The following CEP20 variants were observed in gnomAD, a reference collection of about 807,000 sequenced individuals.
CEP20 encodes the protein centrosomal protein 20, also known as FGFR1OP N-terminal like.
A neutral mutation model predicts 20.0 loss-of-function variants in CEP20; 18 were observed. The ratio of observed to expected loss-of-function variants is 0.90; its 90% CI spans 0.62 to 1.34. The LOEUF is 1.34. CEP20 is among the 40% of genes most tolerant of loss of function. The pLI, the probability that CEP20 is intolerant of heterozygous loss-of-function variation, is 0.00. For missense variants in CEP20, 215 were observed against 201.6 expected, an observed-to-expected ratio of 1.07 and a Z score of -0.40; for synonymous variants, 77 against 73.7, an observed-to-expected ratio of 1.04 and a Z score of -0.23.
At chr16:15,882,093 A>G (rs1463456111) in intron 2 of CEP20, among the ~76,000 whole-genome samples, 4 of 152,116 alleles carry the variant, frequency 2.6e-5, no homozygotes, top group African/African-American at 9.7e-5. Context: ...CAGGTCATTT[A>G]TAAGTGTGTG....
chr16:15,870,278 A>G (rs2044782351), intron 4 of CEP20, among the ~76,000 whole-genome samples: 1 of 152,230 alleles, frequency 6.6e-6, no homozygotes, highest in Non-Finnish European at 1.5e-5. Flanking sequence ...GACTGATAGT[A>G]TCAATGACTT....
chr16:15,879,762 C>G, intron 3 of CEP20, 42 bp downstream of exon 3: 1 of 1,136,282 alleles, frequency 8.8e-7, no homozygotes, highest in Non-Finnish European at 1.3e-6. Flanking sequence ...GCAATTATGA[C>G]TCAATACAAT....
At chr16:15,871,605 A>C (rs189388149) in intron 4 of CEP20, among the ~76,000 whole-genome samples, 1 of 152,318 alleles carries the variant, frequency 6.6e-6, no homozygotes, top group Admixed American at 6.5e-5. Flanking sequence ...ACAGCAATCA[A>C]ATGTGCTGAT....
At chr16:15,867,560 AAC>A (rs759748221) in intron 4 of CEP20, 44 bp from the exon 5 acceptor site, 1 of 1,339,946 alleles carries the variant, frequency 7.5e-7, no homozygotes, top group Non-Finnish European at 1.1e-6. Context: ...CCCAAGTCAA[AAC>A]ACACAGATAG....
In CEP20 at chr16:15,882,289, C is replaced by G. The variant is rs548391541; in HGVS notation, c.226+1719G>C. Among the ~76,000 whole-genome samples the G allele has an allele frequency of 1.3e-3, 195 of 152,270 alleles. 2 individuals carry two copies. Among genetic ancestry groups the G allele is most frequent in the African/African-American group, 4.6e-3 (192 of 41,548 alleles). On this transcript the variant is annotated intron_variant, in intron 2 of 4. Coordinates refer to ENST00000255759, the MANE Select transcript of CEP20 (RefSeq NM_144600.4). Reference sequence around the variant, plus strand: ...GGGTGCGGTGGCTCACGCCTGTAATCCCAACATTTTGGGAGGCCGAGGAGG... The same window carrying G: ...GGGTGCGGTGGCTCACGCCTGTAATGCCAACATTTTGGGAGGCCGAGGAGG...
At chr16:15,870,692 A>G (rs2044792754) in intron 4 of CEP20, among the ~76,000 whole-genome samples, 1 of 152,066 alleles carries the variant, frequency 6.6e-6, no homozygotes, top group Non-Finnish European at 1.5e-5. Flanking sequence ...GTGCACCCCT[A>G]TAGTCCCGGC....
intron 2 of CEP20, among the ~76,000 whole-genome samples, chr16:15,881,803 A>G (rs2045104033): frequency 6.6e-6 from 1 of 152,216 alleles, no homozygotes; most frequent in African/African-American, 2.4e-5. Flanking sequence ...ACACTTGAAG[A>G]GCAAATTTAT....
intron 3 of CEP20, among the ~76,000 whole-genome samples, chr16:15,877,934 C>T (rs2044995957): frequency 6.6e-6 from 1 of 152,060 alleles, no homozygotes; most frequent in African/African-American, 2.4e-5. Context: ...GTGGTGCACA[C>T]CTGTAATCCC....
In CEP20 at chr16:15,879,866, C is replaced by G; in HGVS notation, c.249G>C (p.Pro83=). ...CATGGATGAGAAACTGTCTGTCCAA[C>G]GGAACTACAGGTTGACCAGATTCTG... ...LIAESGQPVV[P]LDRQFLIHEL... Residue 83 remains proline (P), a synonymous_variant, in exon 3 of 5, where the codon CCG becomes CCC. Transcript: ENST00000255759. 1 of 1,568,766 alleles carries G rather than the reference C, an allele frequency of 6.4e-7. No individual in the cohort carries two copies. The highest frequency in any genetic ancestry group is 8.6e-7 in the Non-Finnish European group (1 of 1,165,512).
At chr16:15,868,152 G>A (rs922502133) in intron 4 of CEP20, among the ~76,000 whole-genome samples, 19 of 151,862 alleles carry the variant, frequency 1.3e-4, no homozygotes, top group Non-Finnish European at 4.4e-5. Context: ...GAAAGGACAA[G>A]GTGTTCAATC....
rs535099454 is a variant in CEP20 at position 15,883,512 on chromosome 16, C to T, written c.226+496G>A. ...TCAGCCTCAGCTAGGACAACAGACA[C>T]GTGCCACCATGCATGGCTAATTTTA... On this transcript the variant is annotated intron_variant, in intron 2 of 4. Transcript: ENST00000255759. Among the ~76,000 whole-genome samples, 3 of 152,114 alleles carry T rather than the reference C, an allele frequency of 2.0e-5. No homozygotes were observed. In the South Asian group the frequency reaches 6.2e-4, roughly 32 times the overall value.
At chr16:15,882,263 C>G (rs570484843) in intron 2 of CEP20, among the ~76,000 whole-genome samples, 1 of 152,166 alleles carries the variant, frequency 6.6e-6, no homozygotes, top group Non-Finnish European at 1.5e-5. Flanking sequence ...TTTCTTCAAC[C>G]GGGTGCGGTG....
At chr16:15,888,522 C>G (rs1162625564) in intron 1 of CEP20, 36 bp downstream of exon 1, 2 of 1,613,942 alleles carry the variant, frequency 1.2e-6, no homozygotes, top group Non-Finnish European at 1.7e-6. Context: ...GAAGGCCCGA[C>G]GCTTCCCATG....
intron 3 of CEP20, among the ~76,000 whole-genome samples, chr16:15,875,709 T>A (rs1348963427): frequency 1.3e-5 from 2 of 152,206 alleles, no homozygotes; most frequent in African/African-American, 4.8e-5. Flanking sequence ...AAAACTGGAT[T>A]CTCTTCATAT....
intron 2 of CEP20, among the ~76,000 whole-genome samples, chr16:15,883,462 T>C (rs113176640): frequency 0.012 from 1,893 of 152,114 alleles, 43 homozygotes; most frequent in African/African-American, 0.04. Context: ...TGGGCTCACA[T>C]GATCACCCCC....
chr16:15,882,658 C>T (rs1027637273), intron 2 of CEP20, among the ~76,000 whole-genome samples: 6 of 152,088 alleles, frequency 3.9e-5, no homozygotes, highest in Non-Finnish European at 8.8e-5. Context: ...AAATACCATG[C>T]TTTTAGATAC....
intron 3 of CEP20, 97 bp downstream of exon 3, chr16:15,879,707 A>C: frequency 1.4e-6 from 1 of 714,110 alleles, no homozygotes; most frequent in Non-Finnish European, 2.3e-6. Flanking sequence ...CACACACTAG[A>C]TCTGAATAAA....
Position 15,867,253 on chromosome 16 carries a change from G to A in CEP20, c.*187C>T. The stretch of plus-strand genomic sequence containing the variant: ...GTAAAAACAATACTTTTTTTTTCAA[G>A]TCAAATCCAATAAGCTAGATGACAA... On this transcript the variant is annotated 3_prime_UTR_variant, in exon 5 of 5. Coordinates refer to ENST00000255759, the MANE Select transcript of CEP20 (RefSeq NM_144600.4). 1 of 455,048 alleles carries A rather than the reference G, an allele frequency of 2.2e-6. No individual in the cohort carries two copies. The allele number at this position is 455,048 out of a possible 1,614,324, so 28.2% of individuals were successfully genotyped here.
chr16:15,876,764 C>G (rs1292910614), intron 3 of CEP20, among the ~76,000 whole-genome samples: 1 of 151,440 alleles, frequency 6.6e-6, no homozygotes, highest in Non-Finnish European at 1.5e-5. Context: ...GTGTGAGAAA[C>G]AAGGGCTTAA....
Sources: gnomAD v4.1 joint callset for allele counts (sites outside exome capture counted in the v4.1 genomes callset) on GRCh38, gnomAD v4.1.1 for gene constraint, MANE v1.5 for transcripts, NCBI Gene and HGNC (gene_info 2026-07-23, HGNC 2026-07-21) for gene names.